PTPRO: variants seen among roughly 807,000 people sequenced by gnomAD.
PTPRO encodes receptor-type tyrosine-protein phosphatase O.
A neutral mutation model predicts 145.2 loss-of-function variants in PTPRO; 62 were observed. That is an observed-to-expected ratio of 0.43 (90% confidence interval 0.35 to 0.53). The LOEUF (loss-of-function observed/expected upper bound fraction) is 0.53, where lower values mean the gene tolerates loss of function less well. PTPRO is among the 20% of genes least tolerant of loss of function. The probability of loss-of-function intolerance (pLI) is 0.01; values close to 1 mark genes in which losing one functional copy is unlikely to be tolerated. For missense variants in PTPRO, 1,345 were observed against 1,482.7 expected (o/e 0.91, Z 1.53); for synonymous variants, 565 against 514.7 (o/e 1.10, Z -1.32).
At chr12:15,393,112 C>T (rs1002135094) in intron 1 of PTPRO, among the ~76,000 whole-genome samples, 11 of 152,114 alleles carry the variant, frequency 7.2e-5, no homozygotes, top group Admixed American at 2.0e-4. Context: ...GCATGCAGAG[C>T]GAACTCCCTA....
intron 1 of PTPRO, among the ~76,000 whole-genome samples, chr12:15,329,361 G>T (rs957773869): frequency 1.3e-5 from 2 of 152,126 alleles, no homozygotes; most frequent in African/African-American, 4.8e-5. Flanking sequence ...TGTATCTTCG[G>T]TCCTATCTGA....
intron 1 of PTPRO, among the ~76,000 whole-genome samples, chr12:15,458,782 T>C (rs1020543284): frequency 2.0e-5 from 3 of 152,108 alleles, no homozygotes; most frequent in African/African-American, 7.2e-5. Flanking sequence ...ATCTTTCTGA[T>C]GGTTATTTTG....
intron 13 of PTPRO, among the ~76,000 whole-genome samples, chr12:15,548,229 A>T (rs1249760307): frequency 1.3e-5 from 2 of 152,214 alleles, no homozygotes; most frequent in East Asian, 1.9e-4. Flanking sequence ...ATAAAACTAC[A>T]ATATACAATT....
chr12:15,419,685 C>T (rs1441919727), intron 1 of PTPRO, among the ~76,000 whole-genome samples: 1 of 150,974 alleles, frequency 6.6e-6, no homozygotes, highest in Non-Finnish European at 1.5e-5. Flanking sequence ...TCAGTAGGCA[C>T]TGTGTACACG....
intron 1 of PTPRO, among the ~76,000 whole-genome samples, chr12:15,453,958 T>G (rs1241872642): frequency 6.6e-6 from 1 of 152,230 alleles, no homozygotes; most frequent in Admixed American, 6.5e-5. Context: ...TATACCACAT[T>G]TTCTTCATTT....
chr12:15,471,170 G>A (rs887914636), intron 1 of PTPRO, among the ~76,000 whole-genome samples: 5 of 152,144 alleles, frequency 3.3e-5, no homozygotes, highest in African/African-American at 1.2e-4. Flanking sequence ...CTTGAGCCCA[G>A]GAGTTTGAGA....
intron 1 of PTPRO, among the ~76,000 whole-genome samples, chr12:15,386,429 G>T (rs1011734938): frequency 2.6e-5 from 4 of 151,934 alleles, no homozygotes; most frequent in Non-Finnish European, 5.9e-5. Flanking sequence ...CTGACAAAAA[G>T]ATTATGAAAT....
intron 1 of PTPRO, among the ~76,000 whole-genome samples, chr12:15,448,021 C>G (rs1323719594): frequency 6.6e-6 from 1 of 151,992 alleles, no homozygotes; most frequent in East Asian, 1.9e-4. Flanking sequence ...TTTCCATTTT[C>G]AAATATTCCA....
Position 15,569,460 on chromosome 12 carries a change from G to A in PTPRO, c.2791G>A (p.Ala931Thr), listed in dbSNP as rs780947470. The part of the protein sequence containing the change: ...DDFDAYIKDM[A>T]KDSDYKFSLQ... ...CTTTGATGCCTATATTAAGGATATG[G>A]CCAAAGACTCTGACTATAAATTTTC... Residue 931 changes from alanine to threonine, a missense_variant, in exon 19 of 27, where the codon GCC becomes ACC. Transcript: ENST00000281171. 1.9e-6 allele frequency: 3 copies of A among 1,613,788 alleles called. No homozygotes were observed. Among genetic ancestry groups the A allele is most frequent in the South Asian group, 2.2e-5 (2 of 91,074 alleles).
chr12:15,473,424 C>A (rs1591842766), intron 1 of PTPRO, among the ~76,000 whole-genome samples: 1 of 152,106 alleles, frequency 6.6e-6, no homozygotes, highest in South Asian at 2.1e-4. Flanking sequence ...AACGTAATTA[C>A]CGAATTCTGT....
chr12:15,494,327 T>C (rs1166134893), intron 2 of PTPRO, among the ~76,000 whole-genome samples: 1 of 152,150 alleles, frequency 6.6e-6, no homozygotes, highest in African/African-American at 2.4e-5. Context: ...AAAAGGGAAG[T>C]ACAATGGAGT....
chr12:15,351,852 C>T (rs576819203), intron 1 of PTPRO, among the ~76,000 whole-genome samples: 2 of 152,148 alleles, frequency 1.3e-5, no homozygotes, highest in South Asian at 4.2e-4. Flanking sequence ...TTTTTTATTG[C>T]GTGCAAACAC....
chr12:15,571,562 AG>A (rs1944050143), intron 19 of PTPRO, among the ~76,000 whole-genome samples: 1 of 152,238 alleles, frequency 6.6e-6, no homozygotes, highest in Non-Finnish European at 1.5e-5. Flanking sequence ...CTGGGATTAC[AG>A]CCGTGAGCCA....
At chr12:15,440,284 C>T (rs1407496427) in intron 1 of PTPRO, 2 of 579,622 alleles carry the variant, frequency 3.5e-6, no homozygotes, top group Non-Finnish European at 3.1e-6. Flanking sequence ...TGACCCCCAA[C>T]CTCCGGAAGG....
rs1195002818 is a variant in PTPRO, at chr12:15,322,712, C to T, written c.-15C>T. 6.2e-7 allele frequency: 1 copy of T among 1,608,476 alleles called. No homozygotes were observed. Among genetic ancestry groups the T allele is most frequent in the Non-Finnish European group, 8.5e-7 (1 of 1,177,542 alleles). Reference sequence around the variant, plus strand: ...GCTAGCGCAGCCGTGCCCCCGAGTCCCCGTCCGCGCAGCGATGGGGCACCT... The same window carrying T: ...GCTAGCGCAGCCGTGCCCCCGAGTCTCCGTCCGCGCAGCGATGGGGCACCT... On this transcript the variant is annotated 5_prime_UTR_variant, in exon 1 of 27. Coordinates refer to ENST00000281171, the MANE Select transcript of PTPRO (RefSeq NM_030667.3). This position sits in a 1 kb window ranked among gnomAD's most constrained non-coding sequence, Gnocchi z 6.3.
chr12:15,331,973 T>C (rs1866624683), intron 1 of PTPRO, among the ~76,000 whole-genome samples: 1 of 148,286 alleles, frequency 6.7e-6, no homozygotes, highest in Admixed American at 6.7e-5. Flanking sequence ...TTTTTTTTTT[T>C]TTTTTTTTTG....
chr12:15,577,787 T>C (rs1944218802), intron 19 of PTPRO, among the ~76,000 whole-genome samples: 2 of 152,174 alleles, frequency 1.3e-5, no homozygotes, highest in African/African-American at 4.8e-5. Context: ...ATCCACTGCA[T>C]TGGTTGCACA....
At chr12:15,495,538 TA>T (rs1361695312) in intron 2 of PTPRO, among the ~76,000 whole-genome samples, 1 of 151,982 alleles carries the variant, frequency 6.6e-6, no homozygotes, top group African/African-American at 2.4e-5. Flanking sequence ...CTCTCAATTC[TA>T]AAAGTGTGAA....
chr12:15,330,772 G>C (rs1030885501), intron 1 of PTPRO, among the ~76,000 whole-genome samples: 2 of 152,144 alleles, frequency 1.3e-5, no homozygotes, highest in African/African-American at 4.8e-5. Context: ...GCTTCTCCCT[G>C]CTTCTAGACC....
Sources: allele counts gnomAD v4.1 joint callset (sites outside exome capture counted in the v4.1 genomes callset), GRCh38; gene constraint gnomAD v4.1.1; non-coding constraint Gnocchi (gnomAD v3.1); transcripts MANE v1.5; gene names NCBI Gene and HGNC (gene_info 2026-07-23, HGNC 2026-07-21).